The following SPAG16 variants were observed in gnomAD, a reference collection of about 807,000 sequenced individuals.
SPAG16 encodes the protein sperm-associated antigen 16 protein.
SPAG16 carries 86 observed loss-of-function variants against 80.4 expected under a neutral mutation model. The ratio of observed to expected loss-of-function variants is 1.07; its 90% CI spans 0.90 to 1.28. The LOEUF (loss-of-function observed/expected upper bound fraction) is 1.28, where lower values mean the gene tolerates loss of function less well. Among genes scored for constraint, SPAG16 ranks in the 50% most tolerant of loss-of-function variants. The probability of loss-of-function intolerance (pLI) is 0.00; values close to 1 mark genes in which losing one functional copy is unlikely to be tolerated. For missense variants in SPAG16, 870 were observed against 765.3 expected, an observed-to-expected ratio of 1.14 and a Z score of -1.61; for synonymous variants, 294 against 265.9, an observed-to-expected ratio of 1.11 and a Z score of -1.03.
At chr2:213,977,388 C>T (rs993965474) in intron 12 of SPAG16, among the ~76,000 whole-genome samples, 6 of 152,004 alleles carry the variant, frequency 3.9e-5, no homozygotes, top group Non-Finnish European at 8.8e-5. Context: ...TTAAATACAG[C>T]TCCTTGAGGA....
intron 10 of SPAG16, among the ~76,000 whole-genome samples, chr2:213,677,745 A>T (rs1457492904): frequency 6.6e-6 from 1 of 152,186 alleles, no homozygotes; most frequent in Non-Finnish European, 1.5e-5. Context: ...CAGGAATTGA[A>T]CTCAGCTCTG....
At chr2:213,942,973 G>A (rs145539717) in intron 12 of SPAG16, among the ~76,000 whole-genome samples, 1 of 152,102 alleles carries the variant, frequency 6.6e-6, no homozygotes, top group Non-Finnish European at 1.5e-5. Flanking sequence ...TATAGGAAGG[G>A]ACAAGAGACC....
chr2:214,253,544 C>T (rs1045888937), intron 15 of SPAG16, among the ~76,000 whole-genome samples: 1 of 152,154 alleles, frequency 6.6e-6, no homozygotes, highest in Non-Finnish European at 1.5e-5. Flanking sequence ...TTCCCAACAC[C>T]ATTTATTAAA....
intron 10 of SPAG16, among the ~76,000 whole-genome samples, chr2:213,691,060 T>C (rs1242048223): frequency 6.6e-6 from 1 of 152,126 alleles, no homozygotes; most frequent in Non-Finnish European, 1.5e-5. Context: ...CCTAATCACC[T>C]CTTAAAGGCC....
At chr2:214,380,551 A>C (rs1159513122) in intron 15 of SPAG16, among the ~76,000 whole-genome samples, 3 of 152,216 alleles carry the variant, frequency 2.0e-5, no homozygotes, top group African/African-American at 7.2e-5. Context: ...AGACCTTGTT[A>C]GAGTCAGTTT....
At chr2:213,742,323 A>T (rs908523215) in intron 10 of SPAG16, among the ~76,000 whole-genome samples, 1 of 152,144 alleles carries the variant, frequency 6.6e-6, no homozygotes, top group African/African-American at 2.4e-5. Context: ...GAATACAAGG[A>T]CATTAGTATA....
intron 9 of SPAG16, among the ~76,000 whole-genome samples, chr2:213,445,701 T>C (rs563030694): frequency 2.6e-5 from 4 of 152,068 alleles, no homozygotes; most frequent in Non-Finnish European, 5.9e-5. Flanking sequence ...GAAAAAATGC[T>C]CAACATCACT....
intron 13 of SPAG16, among the ~76,000 whole-genome samples, chr2:214,029,314 A>G (rs181251560): frequency 6.6e-5 from 10 of 152,136 alleles, no homozygotes; most frequent in Admixed American, 6.6e-4. Context: ...GGAAAATATA[A>G]AATGAGGCCA....
intron 9 of SPAG16, among the ~76,000 whole-genome samples, chr2:213,438,178 C>T (rs916714700): frequency 6.6e-6 from 1 of 152,208 alleles, no homozygotes; most frequent in Non-Finnish European, 1.5e-5. Flanking sequence ...AGAAGGAAGA[C>T]TCCTGGCTAT....
chr2:213,736,773 C>CGGCT (rs1343374230), intron 10 of SPAG16, among the ~76,000 whole-genome samples: 1 of 150,032 alleles, frequency 6.7e-6, no homozygotes, highest in Non-Finnish European at 1.5e-5. Flanking sequence ...GGCGAGATCT[C>CGGCT]GGCTTGCTGC....
chr2:213,433,624 C>A (rs1190070503), intron 9 of SPAG16, among the ~76,000 whole-genome samples: 1 of 151,994 alleles, frequency 6.6e-6, no homozygotes. Context: ...GGAAAAACAT[C>A]CCATGCTCAT....
chr2:214,152,015 AAG>A (rs1290037058), intron 15 of SPAG16, among the ~76,000 whole-genome samples: 1 of 152,204 alleles, frequency 6.6e-6, no homozygotes. Flanking sequence ...ACTGTTTAAA[AAG>A]AGTTATTTTC....
chr2:214,258,492 C>CATAT (rs1690885680), intron 15 of SPAG16, among the ~76,000 whole-genome samples: 1 of 71,700 alleles, frequency 1.4e-5, no homozygotes, highest in Non-Finnish European at 3.6e-5. Context: ...TATATATATA[C>CATAT]ACACACACAT....
At chr2:214,145,927 A>G (rs1254568715) in intron 14 of SPAG16, among the ~76,000 whole-genome samples, 1 of 152,150 alleles carries the variant, frequency 6.6e-6, no homozygotes, top group African/African-American at 2.4e-5. Flanking sequence ...CTGGAGATGC[A>G]GTGTTACAAA....
At chr2:214,221,768 T>G (rs1447236823) in intron 15 of SPAG16, among the ~76,000 whole-genome samples, 1 of 152,170 alleles carries the variant, frequency 6.6e-6, no homozygotes, top group Non-Finnish European at 1.5e-5. Context: ...TTTCATGTTA[T>G]TTTTCGTGTT....
At chr2:214,253,924 C>T (rs984149010) in intron 15 of SPAG16, among the ~76,000 whole-genome samples, 3 of 151,942 alleles carry the variant, frequency 2.0e-5, no homozygotes, top group Middle Eastern at 3.2e-3. Flanking sequence ...ATTGATTCTT[C>T]GTATCCATGA....
At chr2:213,331,860 A>G (rs953303368) in intron 5 of SPAG16, among the ~76,000 whole-genome samples, 1 of 152,216 alleles carries the variant, frequency 6.6e-6, no homozygotes, top group Non-Finnish European at 1.5e-5. Context: ...ACATACCATA[A>G]TCTATGGGAT....
intron 15 of SPAG16, among the ~76,000 whole-genome samples, chr2:214,211,393 C>T (rs1404830123): frequency 6.6e-6 from 1 of 152,202 alleles, no homozygotes; most frequent in Non-Finnish European, 1.5e-5. Context: ...ATGGGTACAA[C>T]TGGCCTTGAG....
At chr2:213,777,057 TC>T (rs1235980698) in intron 10 of SPAG16, among the ~76,000 whole-genome samples, 2 of 152,042 alleles carry the variant, frequency 1.3e-5, no homozygotes, top group Admixed American at 6.5e-5. Context: ...GTCATAGGTT[TC>T]TTTGTTACTT....
Sources: gnomAD v4.1 joint callset for allele counts (sites outside exome capture counted in the v4.1 genomes callset) on GRCh38, gnomAD v4.1.1 for gene constraint, MANE v1.5 for transcripts, NCBI Gene and HGNC (gene_info 2026-07-23, HGNC 2026-07-21) for gene names.